Variants in KIRREL3 observed in about 807,000 individuals in gnomAD.
The protein encoded by KIRREL3 is kin of IRRE-like protein 3.
In KIRREL3, 36 loss-of-function variants were observed where a neutral mutation model predicts 89.7. The ratio of observed to expected loss-of-function variants is 0.40; its 90% CI spans 0.31 to 0.53. The LOEUF is 0.53. Among genes scored for constraint, KIRREL3 ranks in the 20% least tolerant of loss-of-function variants. The probability of loss-of-function intolerance (pLI) is 0.49; values close to 1 mark genes in which losing one functional copy is unlikely to be tolerated. For missense variants in KIRREL3, 864 were observed against 1,056.6 expected (o/e 0.82, Z 2.53); for synonymous variants, 445 against 441.4 (o/e 1.01, Z -0.10).
chr11:126,750,396 G>C lies in KIRREL3; in HGVS notation c.56-187484C>G, dbSNP rs990773981. On this transcript the variant is annotated intron_variant, in intron 1 of 16. Transcript: ENST00000525144. This position sits in a 1 kb window ranked among gnomAD's most constrained non-coding sequence, Gnocchi z 4.2. ...TACGTGTGGGTGCTCGAAGCCCACA[G>C]TGAAGCTTCAAGTGAGGTTAGCCAG... Among the ~76,000 whole-genome samples, 2 of 152,214 alleles carry C rather than the reference G, an allele frequency of 1.3e-5. No individual in the cohort carries two copies. Among genetic ancestry groups the C allele is most frequent in the African/African-American group, 4.8e-5 (2 of 41,448 alleles).
Position 126,521,975 on chromosome 11 carries a change from C to T in KIRREL3, c.284-511G>A, listed in dbSNP as rs916853195. On this transcript the variant is annotated intron_variant, in intron 3 of 16. Transcript: ENST00000525144. The surrounding 1 kb of genome is among the most constrained non-coding windows in gnomAD (Gnocchi z 4.1). ...CCCTGACTGGTCTTGAACTCCTGGACTTAGGCGGTTCTCCCTCCTCAACCT... is the reference window on the plus strand; with the variant it reads ...CCCTGACTGGTCTTGAACTCCTGGATTTAGGCGGTTCTCCCTCCTCAACCT... 3.8e-4 allele frequency among the ~76,000 whole-genome samples: 58 copies of T among 152,164 alleles called. No homozygotes were observed. Among genetic ancestry groups the T allele is most frequent in the African/African-American group, 1.3e-3 (54 of 41,502 alleles).
At chr11:126,466,247 T>A (rs1185252550) in intron 5 of KIRREL3, among the ~76,000 whole-genome samples, 1 of 152,264 alleles carries the variant, frequency 6.6e-6, no homozygotes, top group Non-Finnish European at 1.5e-5. Context: ...TTCCACCTAA[T>A]TAGAGAAAAA....
chr11:126,751,376 C>T (rs1371151084), intron 1 of KIRREL3, among the ~76,000 whole-genome samples: 1 of 152,210 alleles, frequency 6.6e-6, no homozygotes. Context: ...TCCATTCTTG[C>T]TGGCTAAGGA....
chr11:127,000,332 G>A lies in KIRREL3; in HGVS notation c.55+123C>T, dbSNP rs1376641112. 1.1e-5 allele frequency: 8 copies of A among 711,100 alleles called. No homozygotes were observed. Among genetic ancestry groups the A allele is most frequent in the Non-Finnish European group, 1.6e-5 (7 of 429,774 alleles). The allele number at this position is 711,100 out of a possible 1,614,324, so 44.0% of individuals were successfully genotyped here. On this transcript the variant is annotated intron_variant, in intron 1 of 16. Transcript: ENST00000525144. The surrounding 1 kb of genome is among the most constrained non-coding windows in gnomAD (Gnocchi z 7.1). ...AGGCAATGCCAGAGCATCTCAGCCC[G>A]GCACCGAGAGACGCATCCATCAGTC...
rs1209692928 is a variant in KIRREL3 at position 126,769,401 on chromosome 11, T to C, written c.56-206489A>G. On this transcript the variant is annotated intron_variant, in intron 1 of 16. Coordinates refer to ENST00000525144, the MANE Select transcript of KIRREL3 (RefSeq NM_032531.4). This position sits in a 1 kb window ranked among gnomAD's most constrained non-coding sequence, Gnocchi z 4.3. ...CCAGAGTCTCACAAATCCTGCAATA[T>C]CTGTCCAAGTCAACATGAGACATTA... is the stretch of plus-strand genomic sequence containing the variant. Among the ~76,000 whole-genome samples, 1 of 152,156 alleles carries C rather than the reference T, an allele frequency of 6.6e-6. No individual in the cohort carries two copies. The highest frequency in any genetic ancestry group is 2.4e-5 in the African/African-American group (1 of 41,424).
intron 11 of KIRREL3, among the ~76,000 whole-genome samples, chr11:126,438,343 A>G (rs1280290816): frequency 2.0e-5 from 3 of 152,236 alleles, no homozygotes; most frequent in South Asian, 2.1e-4. Flanking sequence ...CTCATCGTGT[A>G]AGCGCCTCGT....
At position 127,000,542 on chromosome 11, in the gene KIRREL3, A is replaced by C. The variant is rs1425746930; in HGVS notation, c.-33T>G. 1.3e-6 allele frequency: 2 copies of C among 1,586,226 alleles called. No homozygotes were observed. Among genetic ancestry groups the C allele is most frequent in the African/African-American group, 1.3e-5 (1 of 74,242 alleles). On this transcript the variant is annotated 5_prime_UTR_variant, in exon 1 of 17. Transcript: ENST00000525144. This position sits in a 1 kb window ranked among gnomAD's most constrained non-coding sequence, Gnocchi z 7.1. ...CGCAGCGAAGGAAAGCCGGCGGGGT[A>C]ACTTGGCTGTGGTTAGTTTCTCTTC...
intron 8 of KIRREL3, among the ~76,000 whole-genome samples, chr11:126,447,706 C>T (rs1955875422): frequency 6.6e-6 from 1 of 152,170 alleles, no homozygotes; most frequent in Admixed American, 6.5e-5. Context: ...CAGGGTCCGA[C>T]CGTGGCCAGG....
chr11:126,606,192 T>G lies in KIRREL3; in HGVS notation c.56-43280A>C, dbSNP rs1351563508. Reference sequence around the variant, plus strand: ...AGCAGGCACCCAGCATCTAAAGCACTCAAATCAGAGTCACTAGTATTATTA... The same window carrying G: ...AGCAGGCACCCAGCATCTAAAGCACGCAAATCAGAGTCACTAGTATTATTA... On this transcript the variant is annotated intron_variant, in intron 1 of 16. Coordinates refer to ENST00000525144, the MANE Select transcript of KIRREL3 (RefSeq NM_032531.4). The surrounding 1 kb of genome is among the most constrained non-coding windows in gnomAD (Gnocchi z 4.6). 6.6e-6 allele frequency among the ~76,000 whole-genome samples: 1 copy of G among 152,228 alleles called. No homozygotes were observed. Among genetic ancestry groups the G allele is most frequent in the Non-Finnish European group, 1.5e-5 (1 of 68,046 alleles).
Position 126,553,615 on chromosome 11 carries a change from G to A in KIRREL3, c.133+9220C>T, listed in dbSNP as rs549064186. Among the ~76,000 whole-genome samples, 81 of 152,312 alleles carry A rather than the reference G, an allele frequency of 5.3e-4. No individual in the cohort carries two copies. Among genetic ancestry groups the A allele is most frequent in the African/African-American group, 1.8e-3 (74 of 41,558 alleles). On this transcript the variant is annotated intron_variant, in intron 2 of 16. Transcript: ENST00000525144. This position sits in a 1 kb window ranked among gnomAD's most constrained non-coding sequence, Gnocchi z 4.7. ...CAAGGGAGCAGCTGGGGCTATCTGC[G>A]TGTCGATTCCCGTCACCTTCTGAAC...
chr11:126,858,408 A>T (rs896879450), intron 1 of KIRREL3, among the ~76,000 whole-genome samples: 1 of 152,154 alleles, frequency 6.6e-6, no homozygotes, highest in African/African-American at 2.4e-5. Context: ...AAAGGCTGGG[A>T]TGATGTGGCA....
At position 126,609,201 on chromosome 11, in the gene KIRREL3, G is replaced by A. The variant is rs1943018400; in HGVS notation, c.56-46289C>T. ...GACCGGACCTCAGGAAAGGGGTGCG[G>A]GGAAGGTTGGGTTCAGAAGGAGAGA... On this transcript the variant is annotated intron_variant, in intron 1 of 16. Transcript: ENST00000525144. The surrounding 1 kb of genome is among the most constrained non-coding windows in gnomAD (Gnocchi z 5.0). Among the ~76,000 whole-genome samples, 1 of 152,234 alleles carries A rather than the reference G, an allele frequency of 6.6e-6. No homozygotes were observed. Among genetic ancestry groups the A allele is most frequent in the Admixed American group, 6.5e-5 (1 of 15,296 alleles).
At position 126,640,709 on chromosome 11, in the gene KIRREL3, C is replaced by A. The variant is rs544084472; in HGVS notation, c.56-77797G>T. Among the ~76,000 whole-genome samples the A allele has an allele frequency of 9.2e-5, 14 of 152,188 alleles. No individual in the cohort carries two copies. The highest frequency in any genetic ancestry group is 3.4e-4 in the African/African-American group (14 of 41,510). ...CTGAATCTGGAATGAACCATGGGAC[C>A]CTTGGGTTGAAGACTATGCCTAACT... is the stretch of plus-strand genomic sequence containing the variant. On this transcript the variant is annotated intron_variant, in intron 1 of 16. Coordinates refer to ENST00000525144, the MANE Select transcript of KIRREL3 (RefSeq NM_032531.4). This position sits in a 1 kb window ranked among gnomAD's most constrained non-coding sequence, Gnocchi z 4.9.
rs1004391081 is a variant in KIRREL3, at chr11:126,697,235, G to A, written c.56-134323C>T. Among the ~76,000 whole-genome samples the A allele has an allele frequency of 3.3e-5, 5 of 152,138 alleles. No individual in the cohort carries two copies. The highest frequency in any genetic ancestry group is 2.9e-5 in the Non-Finnish European group (2 of 68,024). Reference sequence around the variant, plus strand: ...TAATTGTTTATGTGCTTGTTTATGCGGGAGATGACAGGACTACAAGAAGGC... The same window carrying A: ...TAATTGTTTATGTGCTTGTTTATGCAGGAGATGACAGGACTACAAGAAGGC... On this transcript the variant is annotated intron_variant, in intron 1 of 16. Transcript: ENST00000525144. This position sits in a 1 kb window ranked among gnomAD's most constrained non-coding sequence, Gnocchi z 4.2.
At position 126,474,820 on chromosome 11, in the gene KIRREL3, G is replaced by T. The variant is rs1246459278; in HGVS notation, c.434-1354C>A. On this transcript the variant is annotated intron_variant, in intron 4 of 16. Coordinates refer to ENST00000525144, the MANE Select transcript of KIRREL3 (RefSeq NM_032531.4). This position sits in a 1 kb window ranked among gnomAD's most constrained non-coding sequence, Gnocchi z 6.7. ...GACCATGGGCTGAAGGATGGTGGAT[G>T]ATCATGGTTTGGAGGAGAGGCCCAG... Among the ~76,000 whole-genome samples, 1 of 152,216 alleles carries T rather than the reference G, an allele frequency of 6.6e-6. No homozygotes were observed. The highest frequency in any genetic ancestry group is 1.5e-5 in the Non-Finnish European group (1 of 68,028).
chr11:126,930,222 G>A (rs1399115645), intron 1 of KIRREL3, among the ~76,000 whole-genome samples: 1 of 151,380 alleles, frequency 6.6e-6, no homozygotes, highest in Non-Finnish European at 1.5e-5. Context: ...TTGTATGCGT[G>A]TGTATTTTTT....
At chr11:126,785,263 A>C (rs1401276711) in intron 1 of KIRREL3, among the ~76,000 whole-genome samples, 1 of 152,106 alleles carries the variant, frequency 6.6e-6, no homozygotes, top group African/African-American at 2.4e-5. Context: ...CTCCTTATGG[A>C]AATATCTTAA....
At chr11:126,524,929 A>G (rs1317707044) in intron 3 of KIRREL3, among the ~76,000 whole-genome samples, 1 of 152,160 alleles carries the variant, frequency 6.6e-6, no homozygotes, top group Non-Finnish European at 1.5e-5. Context: ...CAAGTGACAA[A>G]ATACAGGGCA....
At chr11:126,929,773 GC>G (rs562988277) in intron 1 of KIRREL3, among the ~76,000 whole-genome samples, 295 of 152,292 alleles carry the variant, frequency 1.9e-3, no homozygotes, top group African/African-American at 6.8e-3. Context: ...CATTCATCAG[GC>G]TGCACATTTG....
Sources: allele counts gnomAD v4.1 joint callset (sites outside exome capture counted in the v4.1 genomes callset), GRCh38; gene constraint gnomAD v4.1.1; non-coding constraint Gnocchi (gnomAD v3.1); transcripts MANE v1.5; gene names NCBI Gene and HGNC (gene_info 2026-07-23, HGNC 2026-07-21).